ADAR: variants seen among roughly 807,000 people sequenced by gnomAD.
ADAR encodes adenosine deaminase RNA specific.
A neutral mutation model predicts 113.2 loss-of-function variants in ADAR; 41 were observed. The ratio of observed to expected loss-of-function variants is 0.36; its 90% CI spans 0.28 to 0.47. ADAR has a LOEUF of 0.47. Among genes scored for constraint, ADAR ranks in the 20% least tolerant of loss-of-function variants. The pLI is 1.00. For missense variants in ADAR, 1,242 were observed against 1,540.9 expected, an observed-to-expected ratio of 0.81 and a Z score of 3.25; for synonymous variants, 605 against 572.6, an observed-to-expected ratio of 1.06 and a Z score of -0.81.
chr1:154,619,342 G>C lies in ADAR; in HGVS notation c.-871+8513C>G, dbSNP rs188263118. Among the ~76,000 whole-genome samples the C allele has an allele frequency of 1.9e-4, 29 of 152,312 alleles. No homozygotes were observed. In the East Asian group the frequency reaches 5.0e-3, roughly 26 times the overall value. On this transcript the variant is annotated intron_variant, in intron 1 of 14. Coordinates refer to the ADAR transcript ENST00000368471. Reference sequence around the variant, plus strand: ...CCACAAAAACAATCTGTCTGGGGCTGTCTGAGAAAAGGGCTCCTCGCTGGG... The same window carrying C: ...CCACAAAAACAATCTGTCTGGGGCTCTCTGAGAAAAGGGCTCCTCGCTGGG...
chr1:154,609,525 T>C (rs769844341), upstream of ADAR, among the ~76,000 whole-genome samples: 1 of 152,228 alleles, frequency 6.6e-6, no homozygotes, highest in Non-Finnish European at 1.5e-5. Context: ...CTTTGCACAT[T>C]CTATTCGTTG....
At chr1:154,605,740 C>T (rs1039443516) in intron 1 of ADAR, among the ~76,000 whole-genome samples, 1 of 152,142 alleles carries the variant, frequency 6.6e-6, no homozygotes, top group South Asian at 2.1e-4. Context: ...CACCCTCACG[C>T]CCACCATATT....
intron 1 of ADAR, among the ~76,000 whole-genome samples, chr1:154,605,684 A>C (rs933266913): frequency 3.9e-5 from 6 of 152,172 alleles, no homozygotes; most frequent in African/African-American, 1.4e-4. Flanking sequence ...TGCATGAACA[A>C]GACGCCACTA....
At chr1:154,591,043 A>G (rs1273769002) in intron 6 of ADAR, among the ~76,000 whole-genome samples, 2 of 152,226 alleles carry the variant, frequency 1.3e-5, no homozygotes, top group Non-Finnish European at 2.9e-5. Flanking sequence ...CTGAAATAGG[A>G]AACTTTGTTT....
At chr1:154,585,422 T>A in intron 13 of ADAR, 78 bp from the exon 14 acceptor site, 1 of 1,602,260 alleles carries the variant, frequency 6.2e-7, no homozygotes, top group Non-Finnish European at 8.5e-7. Context: ...TCAAGACTCA[T>A]AGGAGAGAGG....
In ADAR at chr1:154,601,468, A is replaced by T. The variant is rs756062896; in HGVS notation, c.1174T>A (p.Cys392Ser). 1 of 1,614,196 alleles carries T rather than the reference A, an allele frequency of 6.2e-7. No homozygotes were observed. The highest frequency in any genetic ancestry group is 8.5e-7 in the Non-Finnish European group (1 of 1,180,030). The stretch of plus-strand genomic sequence containing the variant: ...GAGGCATTTGATGTGGGTATATTAC[A>T]GGTGAGGAACTCTGCGTTTCTTTTG... ...ETKRNAEFLTCNIPTSNASNN... is the reference protein window; with the variant it reads ...ETKRNAEFLTSNIPTSNASNN... Residue 392 changes from cysteine to serine, a missense_variant, in exon 2 of 15, where the codon TGT becomes AGT. Cys to Ser is a moderately radical substitution (Grantham distance 112, BLOSUM62 -1). This residue lies in a region of ADAR where 462 missense variants were observed against 483.1 expected (regional missense o/e 0.96). Coordinates refer to ENST00000368474, the MANE Select transcript of ADAR (RefSeq NM_001111.5). The surrounding 1 kb of genome is among the most constrained non-coding windows in gnomAD (Gnocchi z 4.7).
upstream of ADAR, among the ~76,000 whole-genome samples, chr1:154,609,836 G>C (rs1444845922): frequency 6.6e-6 from 1 of 152,226 alleles, no homozygotes; most frequent in Non-Finnish European, 1.5e-5. Flanking sequence ...TAGTCTGCTA[G>C]GGAAGATGGA....
chr1:154,592,981 C>T (rs113071755), intron 6 of ADAR, among the ~76,000 whole-genome samples: 17 of 151,568 alleles, frequency 1.1e-4, no homozygotes, highest in African/African-American at 3.9e-4. Context: ...ACTAAAAATA[C>T]AAAAATAGTC....
exon 1 of ADAR, chr1:154,627,948 C>T (rs1698996108): frequency 2.0e-6 from 1 of 509,650 alleles, no homozygotes. Context: ...ACGTAGCCTT[C>T]TCTACCTTCA....
Position 154,583,648 on chromosome 1 carries a change from T to G in ADAR, c.*1158A>C, listed in dbSNP as rs1285088972. ...AAGCACTTGGATAAATGGAAAAGTA[T>G]GCCTGAATTTTAAATCTGCTCAATT... On this transcript the variant is annotated 3_prime_UTR_variant, in exon 15 of 15. Transcript: ENST00000368474. 1.3e-5 allele frequency: 2 copies of G among 152,256 alleles called. No homozygotes were observed. The highest frequency in any genetic ancestry group is 2.9e-5 in the Non-Finnish European group (2 of 68,054). 9.4% of individuals were successfully genotyped at this position (152,256 alleles called of 1,614,324 possible).
chr1:154,607,340 T>G (rs1312362791), intron 1 of ADAR, among the ~76,000 whole-genome samples: 2 of 152,238 alleles, frequency 1.3e-5, no homozygotes, highest in Non-Finnish European at 2.9e-5. Flanking sequence ...TATTTCAGTT[T>G]ATCTGTTAAC....
intron 1 of ADAR, among the ~76,000 whole-genome samples, chr1:154,625,353 C>T (rs1698903665): frequency 6.6e-6 from 1 of 152,104 alleles, no homozygotes; most frequent in Non-Finnish European, 1.5e-5. Flanking sequence ...AAGAGCAAGA[C>T]TTGCTAGACA....
chr1:154,590,534 T>C, intron 6 of ADAR, 125 bp from the exon 7 acceptor site: 1 of 898,328 alleles, frequency 1.1e-6, no homozygotes, highest in East Asian at 2.5e-5. Flanking sequence ...CAGAAGCTGT[T>C]TCTAAGGCAG....
In ADAR at chr1:154,601,208, C is replaced by G; in HGVS notation, c.1434G>C (p.Glu478Asp). The change falls in exon 2 of 15, where the codon GAG (glutamate) becomes GAC (aspartate). Residue 478 changes from glutamate (E) to aspartate (D), a missense_variant. Transcript: ENST00000368474. This position sits in a 1 kb window ranked among gnomAD's most constrained non-coding sequence, Gnocchi z 4.7. ...AAPGEFRAIM[E>D]MPSFYSHGLP... is the part of the protein sequence containing the mutation. ...AGCCATGACTGTAGAAGGAGGGCAT[C>G]TCCATGATGGCTCGAAACTCACCTG... 1 of 1,614,230 alleles carries G rather than the reference C, an allele frequency of 6.2e-7. No individual in the cohort carries two copies. Among genetic ancestry groups the G allele is most frequent in the Non-Finnish European group, 8.5e-7 (1 of 1,180,038 alleles).
chr1:154,594,235 A>G (rs1697349703), intron 6 of ADAR, among the ~76,000 whole-genome samples: 2 of 152,206 alleles, frequency 1.3e-5, no homozygotes, highest in Non-Finnish European at 2.9e-5. Context: ...TAGCATTTTT[A>G]TAAGCTTTTT....
Position 154,601,573 on chromosome 1 carries a change from CT to C in ADAR, c.1068del (p.Asp357ThrfsTer48). 1 of 1,612,474 alleles carries C rather than the reference CT, an allele frequency of 6.2e-7. No homozygotes were observed. Among genetic ancestry groups the C allele is most frequent in the Non-Finnish European group, 8.5e-7 (1 of 1,180,016 alleles). ...QGTTPPIWHLTDKKRERMQIK... is the reference protein window; with the variant it reads ...QGTTPPIWHLXDKKRERMQIK... ...ATTTGCATCCTCTCTCGCTTCTTGT[CT>C]GTCAAATGCCATATGGGAGGGGTTG... On this transcript the variant is annotated frameshift_variant, in exon 2 of 15. Transcript: ENST00000368474. LOFTEE classifies it high-confidence loss of function. The surrounding 1 kb of genome is among the most constrained non-coding windows in gnomAD (Gnocchi z 4.7).
chr1:154,607,880 C>CAT (rs1698304889), intron 1 of ADAR, 112 bp downstream of exon 1: 2 of 1,537,856 alleles, frequency 1.3e-6, no homozygotes, highest in East Asian at 4.7e-5. Flanking sequence ...ACGACACACA[C>CAT]ACACACACTC....
At chr1:154,611,106 T>C (rs1006983826), upstream of ADAR, among the ~76,000 whole-genome samples, 31 of 152,188 alleles carry the variant, frequency 2.0e-4, no homozygotes, top group Non-Finnish European at 2.1e-4. Context: ...ATGTTTTTTT[T>C]CCTCCGTTTA....
At chr1:154,590,547 T>C in intron 6 of ADAR, 138 bp from the exon 7 acceptor site, 1 of 807,956 alleles carries the variant, frequency 1.2e-6, no homozygotes, top group South Asian at 1.4e-5. Context: ...TAAGGCAGCA[T>C]TTCCTAGATT....
Sources: allele counts gnomAD v4.1 joint callset (sites outside exome capture counted in the v4.1 genomes callset), GRCh38; gene constraint gnomAD v4.1.1; regional missense constraint gnomAD v4.1.1; non-coding constraint Gnocchi (gnomAD v3.1); transcripts MANE v1.5; gene names NCBI Gene and HGNC (gene_info 2026-07-23, HGNC 2026-07-21).